ZNF208: variants seen among roughly 807,000 people sequenced by gnomAD.
The protein encoded by ZNF208 is zinc finger protein 95.
ZNF208 carries 10 observed loss-of-function variants against 12.1 expected under a neutral mutation model. That is an observed-to-expected ratio of 0.83 (90% CI 0.51 to 1.40). The LOEUF (loss-of-function observed/expected upper bound fraction) is 1.40. ZNF208 is among the 40% of genes most tolerant of loss of function. The pLI, the probability that ZNF208 is intolerant of heterozygous loss-of-function variation, is 0.00. For synonymous variants in ZNF208, 497 were observed against 488.4 expected, an observed-to-expected ratio of 1.02 and a Z score of -0.23; for missense variants, 1,652 against 1,485.0, an observed-to-expected ratio of 1.11 and a Z score of -1.85.
intron 1 of ZNF208, among the ~76,000 whole-genome samples, chr19:21,989,311 C>G (rs1970686014): frequency 7.1e-6 from 1 of 141,352 alleles, no homozygotes; most frequent in African/African-American, 2.6e-5. Flanking sequence ...TTGTTCAATT[C>G]CCATCTATGA....
rs562723135 is a variant in ZNF208 at position 21,971,319 on chromosome 19, T to C, written c.3715A>G (p.Ile1239Val). 3.7e-5 allele frequency: 60 copies of C among 1,611,488 alleles called. No individual in the cohort carries two copies. Among genetic ancestry groups the C allele is most frequent in the African/African-American group, 5.3e-5 (4 of 74,840 alleles). The change falls in exon 4 of 4, where the codon ATC becomes GTC. Residue 1239 changes from isoleucine to valine, a missense_variant. This residue lies in a region of ZNF208 where 1,239 missense variants were observed against 1,086.2 expected (regional missense o/e 1.14). Transcript: ENST00000397126. Reference protein sequence around the residue: ...ECGKAFSTFSILTKHKVIHTG... With the variant: ...ECGKAFSTFSVLTKHKVIHTG... ...TGAATTACCTTATGTTTAGTGAGGA[T>C]TGAGAACGTACTAAAGGCTTTGCCA...
At chr19:22,001,892 C>CAAAAAAACAAAAAAAAAAAAAAA (rs1970956575) in intron 1 of ZNF208, among the ~76,000 whole-genome samples, 1 of 74,106 alleles carries the variant, frequency 1.3e-5, no homozygotes, top group Non-Finnish European at 2.7e-5. Flanking sequence ...GACTCCATCC[C>CAAAAAAACAAAAAAAAAAAAAAA]AAAAAAAAAA....
intron 1 of ZNF208, among the ~76,000 whole-genome samples, chr19:21,993,222 G>A (rs1201795974): frequency 6.6e-6 from 1 of 152,006 alleles, no homozygotes; most frequent in Admixed American, 6.6e-5. Context: ...ACAGGCACCA[G>A]CAATTTCTGC....
downstream of ZNF208, among the ~76,000 whole-genome samples, chr19:21,962,108 T>C (rs1270442333): frequency 6.6e-6 from 1 of 152,120 alleles, no homozygotes; most frequent in East Asian, 1.9e-4. Flanking sequence ...TAAGAAATTA[T>C]AAGAGTGTTT....
At chr19:21,996,472 G>GA (rs1331239983) in intron 1 of ZNF208, among the ~76,000 whole-genome samples, 7 of 152,086 alleles carry the variant, frequency 4.6e-5, no homozygotes, top group South Asian at 2.1e-4. Context: ...ATATATAGCT[G>GA]AAAAAAAGGA....
downstream of ZNF208, among the ~76,000 whole-genome samples, chr19:21,962,971 C>T (rs1044329433): frequency 7.9e-5 from 12 of 151,984 alleles, no homozygotes; most frequent in Admixed American, 2.6e-4. Context: ...GTCTCATCTA[C>T]GGTTATAAAA....
At chr19:22,007,827 A>AC (rs1442880029) in intron 1 of ZNF208, among the ~76,000 whole-genome samples, 3 of 151,202 alleles carry the variant, frequency 2.0e-5, no homozygotes, top group Non-Finnish European at 2.9e-5. Context: ...AACATGGCAA[A>AC]CCCCCATCTC....
chr19:22,001,891 C>T (rs2106869), intron 1 of ZNF208, among the ~76,000 whole-genome samples: 75,927 of 97,282 alleles, frequency 0.78, 29,012 homozygotes, highest in African/African-American at 0.89. Flanking sequence ...AGACTCCATC[C>T]CAAAAAAAAA....
In ZNF208 at chr19:21,974,305, G is replaced by T. The variant is rs1970381999; in HGVS notation, c.729C>A (p.Ile243=). ...TATGAATTACCTTATGTTTAGTAAG[G>T]ATTGAGAACTTACTAAAGGCTTTGC... is the stretch of plus-strand genomic sequence containing the variant. ...ECGKAFSKFS[I]LTKHKVIHTG... Residue 243 remains isoleucine (I), a synonymous_variant, in exon 4 of 4, where the codon ATC becomes ATA. Coordinates refer to ENST00000397126, the MANE Select transcript of ZNF208 (RefSeq NM_007153.3). 1.2e-6 allele frequency: 2 copies of T among 1,613,330 alleles called. No individual in the cohort carries two copies. The highest frequency in any genetic ancestry group is 1.7e-5 in the Admixed American group (1 of 59,904).
At chr19:21,951,800 A>G (rs1166224023) in intron 4 of ZNF208, among the ~76,000 whole-genome samples, 1 of 152,222 alleles carries the variant, frequency 6.6e-6, no homozygotes, top group Non-Finnish European at 1.5e-5. Flanking sequence ...GACTGGATGG[A>G]CAGTGGGTTC....
intron 4 of ZNF208, among the ~76,000 whole-genome samples, chr19:21,947,605 C>G (rs1191207189): frequency 2.0e-5 from 3 of 152,158 alleles, no homozygotes; most frequent in African/African-American, 7.2e-5. Flanking sequence ...CAGAAAAACT[C>G]AACTTTCAAC....
chr19:21,973,986 AG>A lies in ZNF208; in HGVS notation c.1047del (p.Phe350LeufsTer12), dbSNP rs781093958. 2 of 1,601,792 alleles carry A rather than the reference AG, an allele frequency of 1.2e-6. No homozygotes were observed. The highest frequency in any genetic ancestry group is 2.7e-5 in the African/African-American group (2 of 73,772). ...TTAGTAAGGATTGAGAACTTACTAAAGGCTTTGCCACATTCTTTACATTTGT... is the reference window on the plus strand; with the variant it reads ...TTAGTAAGGATTGAGAACTTACTAAAGCTTTGCCACATTCTTTACATTTGT... Reference protein sequence around the residue: ...KPYKCKECGKAFSKFSILTKH... With the variant: ...KPYKCKECGKXFSKFSILTKH... On this transcript the variant is annotated frameshift_variant, in exon 4 of 4. Transcript: ENST00000397126. LOFTEE classifies it low-confidence loss of function (END_TRUNC).
In ZNF208 at chr19:21,972,997, G is replaced by C. The variant is rs1266352400; in HGVS notation, c.2037C>G (p.Ile679Met). The C allele has an allele frequency of 3.1e-6, 5 of 1,613,352 alleles. No individual in the cohort carries two copies. The Admixed American group carries it at 8.3e-5, about 27-fold the overall frequency. ...ECGKAFSKFS[I>M]LTKHKVIHTG... ...TATGAATTACCTTATGTTTAGTAAGGATTGAGAACTTACTAAAGGCTTTGC... is the reference window on the plus strand; with the variant it reads ...TATGAATTACCTTATGTTTAGTAAGCATTGAGAACTTACTAAAGGCTTTGC... The change falls in exon 4 of 4, where the codon ATC becomes ATG. Residue 679 changes from isoleucine to methionine, a missense_variant. By Grantham distance (10) the Ile-to-Met change is conservative (BLOSUM62 1). Transcript: ENST00000397126.
At chr19:22,002,364 AAAAAT>A (rs1970968937) in intron 1 of ZNF208, among the ~76,000 whole-genome samples, 1 of 152,212 alleles carries the variant, frequency 6.6e-6, no homozygotes, top group Non-Finnish European at 1.5e-5. Flanking sequence ...GGCAAAAGAT[AAAAAT>A]AAAAGGCATC....
intron 1 of ZNF208, among the ~76,000 whole-genome samples, chr19:22,004,534 A>G (rs1480613172): frequency 6.6e-6 from 1 of 152,112 alleles, no homozygotes; most frequent in East Asian, 1.9e-4. Context: ...ACAAACAAAT[A>G]TGGTACATAA....
intron 1 of ZNF208, among the ~76,000 whole-genome samples, chr19:21,996,178 C>T (rs1303906320): frequency 6.6e-6 from 1 of 152,104 alleles, no homozygotes; most frequent in Non-Finnish European, 1.5e-5. Context: ...TTATTTGGGT[C>T]AAGCTTAAGT....
intron 4 of ZNF208, among the ~76,000 whole-genome samples, chr19:21,955,438 C>T (rs1305977167): frequency 6.6e-6 from 1 of 152,230 alleles, no homozygotes; most frequent in Non-Finnish European, 1.5e-5. Context: ...AACTTGGTTC[C>T]ATTCTCCCTG....
intron 1 of ZNF208, chr19:21,997,546 C>T (rs1287649818): frequency 6.6e-6 from 1 of 152,142 alleles, no homozygotes; most frequent in Admixed American, 6.5e-5. Flanking sequence ...TCTCTTGACC[C>T]CACCATCTGC....
intron 4 of ZNF208, among the ~76,000 whole-genome samples, chr19:21,954,778 C>T (rs985509143): frequency 6.6e-6 from 1 of 152,128 alleles, no homozygotes; most frequent in Non-Finnish European, 1.5e-5. Flanking sequence ...TGGGTCTTGA[C>T]TCTTTATCCA....
Sources: gnomAD v4.1 joint callset for allele counts (sites outside exome capture counted in the v4.1 genomes callset) on GRCh38, gnomAD v4.1.1 for gene constraint, gnomAD v4.1.1 regional missense constraint, MANE v1.5 for transcripts, NCBI Gene and HGNC (gene_info 2026-07-23, HGNC 2026-07-21) for gene names.